The following INPP5J variants were observed in gnomAD, a reference collection of about 807,000 sequenced individuals.
INPP5J encodes phosphatidylinositol 4,5-bisphosphate 5-phosphatase A.
In INPP5J, 75 loss-of-function variants were observed where a neutral mutation model predicts 86.6. The observed-to-expected ratio is 0.87, with a 90% CI of 0.72 to 1.05. The LOEUF (loss-of-function observed/expected upper bound fraction) is 1.05, where lower values mean the gene tolerates loss of function less well. Among genes scored for constraint, INPP5J ranks in the 50% least tolerant of loss-of-function variants. INPP5J has a pLI of 0.00. For synonymous variants in INPP5J, 540 were observed against 550.0 expected, an observed-to-expected ratio of 0.98 and a Z score of 0.25; for missense variants, 1,229 against 1,341.2, an observed-to-expected ratio of 0.92 and a Z score of 1.31.
rs1336459276 is a variant in INPP5J at position 31,127,954 on chromosome 22, C to T, written c.1791C>T (p.Leu597=). 6.2e-6 allele frequency: 10 copies of T among 1,606,564 alleles called. 1 individual carries two copies. The highest frequency in any genetic ancestry group is 4.5e-5 in the East Asian group (2 of 44,788). The change falls in exon 7 of 13, where the codon CTC becomes CTT. Residue 597 remains leucine (L), a synonymous_variant. Coordinates refer to ENST00000331075, the MANE Select transcript of INPP5J (RefSeq NM_001284285.2). ...TCCCATCCCCCACCCCAAACAGCCT[C>T]GTGTTCTGGTTCGGGGACCTGAACT... is the stretch of plus-strand genomic sequence containing the variant. The part of the protein sequence containing the change: ...PGAQGILDHD[L]VFWFGDLNFR...
chr22:31,129,270 T>C (rs1298512584), intron 9 of INPP5J, among the ~76,000 whole-genome samples: 1 of 130,930 alleles, frequency 7.6e-6, no homozygotes, highest in Non-Finnish European at 1.6e-5. Context: ...GACGGAGTCT[T>C]GCTCAGCCGC....
intron 9 of INPP5J, among the ~76,000 whole-genome samples, chr22:31,131,012 G>C (rs1024135143): frequency 6.6e-6 from 1 of 152,162 alleles, no homozygotes; most frequent in African/African-American, 2.4e-5. Flanking sequence ...GGCTCTTCAA[G>C]TCTCTTGATC....
chr22:31,124,958 A>G lies in INPP5J; in HGVS notation c.219A>G (p.Glu73=). 6.2e-7 allele frequency: 1 copy of G among 1,608,932 alleles called. No homozygotes were observed. Among genetic ancestry groups the G allele is most frequent in the East Asian group, 2.2e-5 (1 of 44,612 alleles). The change falls in exon 2 of 13, where the codon GAA becomes GAG. Residue 73 remains glutamate (E), a synonymous_variant. Coordinates refer to ENST00000331075, the MANE Select transcript of INPP5J (RefSeq NM_001284285.2). ...GGGCAGCTATGTCAGCTTCCTCGGA[A>G]GGACCGAGGCTGGCTCTGGCATCTC... ...GPRAAMSASS[E]GPRLALASPR...
In INPP5J at chr22:31,126,598, C is replaced by A; in HGVS notation, c.1386-15C>A. On this transcript the variant is annotated splice_polypyrimidine_tract_variant and intron_variant, in intron 3 of 12. Transcript: ENST00000331075. ...CCTCTCCAATCCCATGGCCACCCTG[C>A]CCCCACCCCTCCAGGTTGCAGGAAG... The A allele has an allele frequency of 1.2e-6, 2 of 1,610,262 alleles. No individual in the cohort carries two copies. Among genetic ancestry groups the A allele is most frequent in the Non-Finnish European group, 1.7e-6 (2 of 1,176,602 alleles).
In INPP5J at chr22:31,125,788, G is replaced by A. The variant is rs766782609; in HGVS notation, c.1049G>A (p.Arg350His). ...PLPKPPRSPS[R>H]SPSHSPNRSP... ...CCCAAGCCACCCCGATCACCCAGCC[G>A]TTCCCCAAGCCACTCCCCGAATCGC... Residue 350 changes from arginine to histidine, a missense_variant, in exon 2 of 13, where the codon CGT (arginine) becomes CAT (histidine). Coordinates refer to ENST00000331075, the MANE Select transcript of INPP5J (RefSeq NM_001284285.2). The A allele has an allele frequency of 3.5e-5, 55 of 1,567,172 alleles. No homozygotes were observed. Among genetic ancestry groups the A allele is most frequent in the South Asian group, 2.6e-4 (22 of 85,354 alleles).
rs772670661 is a variant in INPP5J at position 31,133,877 on chromosome 22, G to A, written c.2515-36G>A. Reference sequence around the variant, plus strand: ...GGTCAGGCCTCAGTGGCTGGGTTGGGGAGCAGGGCGCCCCAGTGACCAGCA... The same window carrying A: ...GGTCAGGCCTCAGTGGCTGGGTTGGAGAGCAGGGCGCCCCAGTGACCAGCA... On this transcript the variant is annotated intron_variant, in intron 12 of 12. Transcript: ENST00000331075. 3.1e-6 allele frequency: 5 copies of A among 1,600,342 alleles called. No homozygotes were observed. The Admixed American group carries it at 6.7e-5, about 22-fold the overall frequency.
At chr22:31,133,858 G>C in intron 12 of INPP5J, 55 bp from the exon 13 acceptor site, 1 of 1,599,864 alleles carries the variant, frequency 6.3e-7, no homozygotes, top group Non-Finnish European at 8.5e-7. Flanking sequence ...GGGAGGTCAG[G>C]CCTCAGTGGC....
chr22:31,132,231 G>A (rs1922120273), intron 9 of INPP5J, among the ~76,000 whole-genome samples: 1 of 152,160 alleles, frequency 6.6e-6, no homozygotes, highest in African/African-American at 2.4e-5. Context: ...AGTGGACTGA[G>A]GTCTCCATCC....
chr22:31,126,023 T>C lies in INPP5J; in HGVS notation c.1271+13T>C. 6.5e-7 allele frequency: 1 copy of C among 1,546,182 alleles called. No individual in the cohort carries two copies. Among genetic ancestry groups the C allele is most frequent in the Non-Finnish European group, 8.7e-7 (1 of 1,146,606 alleles). On this transcript the variant is annotated intron_variant, in intron 2 of 12. Coordinates refer to ENST00000331075, the MANE Select transcript of INPP5J (RefSeq NM_001284285.2). Reference sequence around the variant, plus strand: ...ACCCCGGCTTCCGGTGAGGGGGCCCTCTCCCAAGAAAGGTGGCTGGGGCTT... The same window carrying C: ...ACCCCGGCTTCCGGTGAGGGGGCCCCCTCCCAAGAAAGGTGGCTGGGGCTT...
Position 31,125,950 on chromosome 22 carries a change from C to A in INPP5J, c.1211C>A (p.Ser404Tyr). ...CCAGTCACCACCTCCTCTTCTACATCCACCCTGTCATCCTCCCCTTGGTCA... is the reference window on the plus strand; with the variant it reads ...CCAGTCACCACCTCCTCTTCTACATACACCCTGTCATCCTCCCCTTGGTCA... ...PAPVTTSSST[S>Y]TLSSSPWSAQ... Residue 404 changes from serine (S) to tyrosine (Y), a missense_variant, in exon 2 of 13, where the codon TCC becomes TAC. Transcript: ENST00000331075. 1 of 1,610,636 alleles carries A rather than the reference C, an allele frequency of 6.2e-7. No individual in the cohort carries two copies. Among genetic ancestry groups the A allele is most frequent in the Non-Finnish European group, 8.5e-7 (1 of 1,177,554 alleles).
chr22:31,126,877 G>T, intron 4 of INPP5J, 44 bp from the exon 5 acceptor site: 1 of 1,502,210 alleles, frequency 6.7e-7, no homozygotes, highest in East Asian at 2.3e-5. Context: ...GCGAGGGCGG[G>T]GGAGTTGTGT....
chr22:31,123,025 A>AGAGCAGCAG lies in INPP5J; in HGVS notation c.13_21dup (p.Ser5_Arg7dup). On this transcript the variant is annotated inframe_insertion, in exon 1 of 13. Coordinates refer to ENST00000331075, the MANE Select transcript of INPP5J (RefSeq NM_001284285.2). Reference sequence around the variant, plus strand: ...CCGGGGGCTGCAGACATGGAGGGCCAGAGCAGCAGGGGCAGCAGGAGGCCA... The same window carrying AGAGCAGCAG: ...CCGGGGGCTGCAGACATGGAGGGCCAGAGCAGCAGGAGCAGCAGGGGCAGCAGGAGGCCA... The AGAGCAGCAG allele has an allele frequency of 6.8e-7, 1 of 1,461,854 alleles. No homozygotes were observed. Among genetic ancestry groups the AGAGCAGCAG allele is most frequent in the Non-Finnish European group, 9.0e-7 (1 of 1,109,018 alleles). The allele number at this position is 1,461,854 out of a possible 1,614,324, so 90.6% of individuals were successfully genotyped here. A position where few individuals can be genotyped will look rare whatever the true frequency, so the allele number is the denominator to read the frequency against.
In INPP5J at chr22:31,125,103, C is replaced by T. The variant is rs1299380208; in HGVS notation, c.364C>T (p.Pro122Ser). The T allele has an allele frequency of 6.5e-7, 1 of 1,549,872 alleles. No homozygotes were observed. The change falls in exon 2 of 13, where the codon CCA becomes TCA. Residue 122 changes from proline (P) to serine (S), a missense_variant. By Grantham distance (74) the Pro-to-Ser change is moderately conservative. Transcript: ENST00000331075. ...GQLVMSASAG[P>S]KPPPATTGSV... ...GCTGGTGATGTCTGCCTCAGCTGGA[C>T]CAAAGCCTCCCCCAGCGACCACAGG... is the stretch of plus-strand genomic sequence containing the variant.
In INPP5J at chr22:31,133,220, G is replaced by T; in HGVS notation, c.2316G>T (p.Trp772Cys). The change falls in exon 10 of 13, where the codon TGG becomes TGT. Residue 772 changes from tryptophan (W) to cysteine (C), a missense_variant. Physicochemically the swap from Trp to Cys is radical, Grantham distance 215. Transcript: ENST00000331075. ...ETVFARSSWD[W>C]IGLYRVGFRH... Reference sequence around the variant, plus strand: ...TGTTCGCCCGCAGCTCCTGGGACTGGATCGGCTTATACCGGGTGAGAGGGG... The same window carrying T: ...TGTTCGCCCGCAGCTCCTGGGACTGTATCGGCTTATACCGGGTGAGAGGGG... 3 of 1,607,216 alleles carry T rather than the reference G, an allele frequency of 1.9e-6. No homozygotes were observed. Among genetic ancestry groups the T allele is most frequent in the Non-Finnish European group, 2.5e-6 (3 of 1,177,978 alleles).
intron 9 of INPP5J, among the ~76,000 whole-genome samples, chr22:31,130,089 C>T (rs951566103): frequency 2.6e-5 from 4 of 152,068 alleles, no homozygotes. Context: ...CGCCTGTAAT[C>T]CCAGCACTTT....
In INPP5J at chr22:31,134,494, T is replaced by G; in HGVS notation, c.*75T>G. The G allele has an allele frequency of 1.5e-6, 2 of 1,364,254 alleles. No individual in the cohort carries two copies. Among genetic ancestry groups the G allele is most frequent in the Non-Finnish European group, 1.9e-6 (2 of 1,039,952 alleles). 84.5% of individuals were successfully genotyped at this position (1,364,254 alleles called of 1,614,324 possible). ...TTTGCAAGCCCACCTGCCTCTCTCC[T>G]GCTGCTCCTCCAGCTGTATCTGCAC... On this transcript the variant is annotated 3_prime_UTR_variant, in exon 13 of 13. Transcript: ENST00000331075.
intron 5 of INPP5J, 34 bp from the exon 6 acceptor site, chr22:31,127,323 C>T (rs986336431): frequency 1.7e-5 from 26 of 1,569,348 alleles, no homozygotes; most frequent in Non-Finnish European, 2.2e-5. Context: ...TGGCCTAAGC[C>T]CCGCCCATGA....
chr22:31,128,288 C>T lies in INPP5J; in HGVS notation c.1974C>T (p.Phe658=), dbSNP rs767684962. ...GGCCCCTCAACTTCGCTCCCACCTT[C>T]AAGTTTGATGTGGGTACCAACAAAT... The part of the protein sequence containing the change: ...QEGPLNFAPT[F]KFDVGTNKYD... The change falls in exon 8 of 13, where the codon TTC becomes TTT. Residue 658 remains phenylalanine (F), a synonymous_variant. Coordinates refer to ENST00000331075, the MANE Select transcript of INPP5J (RefSeq NM_001284285.2). 1 of 1,598,960 alleles carries T rather than the reference C, an allele frequency of 6.3e-7. No individual in the cohort carries two copies.
rs1340664753 is a variant in INPP5J at position 31,134,067 on chromosome 22, G to A, written c.2669G>A (p.Gly890Glu). The change falls in exon 13 of 13, where the codon GGA (glycine) becomes GAA (glutamate). Residue 890 changes from glycine to glutamate, a missense_variant. By Grantham distance (98) the Gly-to-Glu change is moderately conservative. Transcript: ENST00000331075. ...KSKRHRSRSP[G>E]LARFPGLALR... Reference sequence around the variant, plus strand: ...AAGCGACACCGCAGCCGCAGCCCGGGACTGGCCAGGTTCCCTGGGCTTGCC... The same window carrying A: ...AAGCGACACCGCAGCCGCAGCCCGGAACTGGCCAGGTTCCCTGGGCTTGCC... 2.5e-6 allele frequency: 4 copies of A among 1,573,804 alleles called. No homozygotes were observed. Among genetic ancestry groups the A allele is most frequent in the Non-Finnish European group, 3.4e-6 (4 of 1,161,058 alleles).
Sources: allele counts gnomAD v4.1 joint callset (sites outside exome capture counted in the v4.1 genomes callset), GRCh38; gene constraint gnomAD v4.1.1; transcripts MANE v1.5; gene names NCBI Gene and HGNC (gene_info 2026-07-23, HGNC 2026-07-21).